Variants in ITGB4 observed in about 807,000 individuals in gnomAD.
ITGB4 encodes integrin subunit beta 4, also known as integrin beta-4.
ITGB4 carries 159 observed loss-of-function variants against 207.6 expected under a neutral mutation model. The ratio of observed to expected loss-of-function variants is 0.77; its 90% CI spans 0.67 to 0.87. The LOEUF (loss-of-function observed/expected upper bound fraction) is 0.87, where lower values mean the gene tolerates loss of function less well. ITGB4 is among the 40% of genes least tolerant of loss of function. ITGB4 has a pLI of 0.00. For missense variants in ITGB4, 2,278 were observed against 2,546.8 expected (o/e 0.89, Z 2.27); for synonymous variants, 1,020 against 1,062.7 (o/e 0.96, Z 0.78).
At chr17:75,734,249 G>T (rs1005855204) in intron 13 of ITGB4, among the ~76,000 whole-genome samples, 1 of 145,846 alleles carries the variant, frequency 6.9e-6, no homozygotes, top group African/African-American at 2.6e-5. Flanking sequence ...CGATTCTCCT[G>T]CCTCAGCCTC....
Position 75,739,644 on chromosome 17 carries a change from C to T in ITGB4, c.2221-28C>T, listed in dbSNP as rs180763710. On this transcript the variant is annotated intron_variant, in intron 18 of 39. Coordinates refer to ENST00000200181, the MANE Select transcript of ITGB4 (RefSeq NM_000213.5). This position sits in a 1 kb window ranked among gnomAD's most constrained non-coding sequence, Gnocchi z 5.4. Reference sequence around the variant, plus strand: ...CCTGGGCCAGGGCAGCTGTCTCAGGCCTCACCCTCACCCACCTTGTCTCCT... The same window carrying T: ...CCTGGGCCAGGGCAGCTGTCTCAGGTCTCACCCTCACCCACCTTGTCTCCT... 9,099 of 1,613,910 alleles carry T rather than the reference C, an allele frequency of 5.6e-3. 48 individuals carry two copies. Among genetic ancestry groups the T allele is most frequent in the Middle Eastern group, 0.015 (92 of 6,052 alleles).
intron 23 of ITGB4, 51 bp downstream of exon 23, chr17:75,741,056 C>A: frequency 6.3e-7 from 1 of 1,596,718 alleles, no homozygotes; most frequent in Non-Finnish European, 8.5e-7. Context: ...GCCCGCCTGT[C>A]CCCAGCCCAG....
chr17:75,724,803 A>G (rs1392933829), intron 2 of ITGB4, 21 bp downstream of exon 2: 2 of 1,603,288 alleles, frequency 1.2e-6, no homozygotes, highest in East Asian at 2.2e-5. Context: ...GTTGCCCTGC[A>G]GCCCCCTCCT....
At chr17:75,743,885 G>A in intron 26 of ITGB4, 24 bp downstream of exon 26, 1 of 1,560,662 alleles carries the variant, frequency 6.4e-7, no homozygotes, top group Non-Finnish European at 8.7e-7. Flanking sequence ...ACAGGGTCGA[G>A]GGTGCAGCCC....
At chr17:75,747,691 C>T (rs1472385842) in intron 26 of ITGB4, among the ~76,000 whole-genome samples, 1 of 152,172 alleles carries the variant, frequency 6.6e-6, no homozygotes, top group African/African-American at 2.4e-5. Flanking sequence ...GACAAGGTCT[C>T]GCTCTGTCAC....
At chr17:75,745,746 A>G (rs1176064319) in intron 26 of ITGB4, among the ~76,000 whole-genome samples, 2 of 152,012 alleles carry the variant, frequency 1.3e-5, no homozygotes. Flanking sequence ...GGGCATGGTG[A>G]CACGTGCCTC....
In ITGB4 at chr17:75,757,246, G is replaced by A. The variant is rs754204121; in HGVS notation, c.5265G>A (p.Pro1755=). ...LGSRAGLFQH[P]LQSEYSSITT... ...GCCGTGCCGGGCTCTTCCAGCACCC[G>A]CTGCAAAGCGAGTACAGCAGCATCA... is the stretch of plus-strand genomic sequence containing the variant. The change falls in exon 39 of 40, where the codon CCG becomes CCA. Residue 1755 remains proline (P), a synonymous_variant. Transcript: ENST00000200181. 1.8e-5 allele frequency: 29 copies of A among 1,611,598 alleles called. No individual in the cohort carries two copies. The highest frequency in any genetic ancestry group is 2.2e-5 in the East Asian group (1 of 44,874).
chr17:75,730,602 CT>C lies in ITGB4; in HGVS notation c.1002+100del, dbSNP rs2060833798. ...CCTCCCTCCCTCCCTCCCTCCCTCC[CT>C]TCCTCCCTTCCTCCCTCCCTCTTTT... On this transcript the variant is annotated intron_variant, in intron 8 of 39. Coordinates refer to ENST00000200181, the MANE Select transcript of ITGB4 (RefSeq NM_000213.5). 72 of 939,080 alleles carry C rather than the reference CT, an allele frequency of 7.7e-5. 1 individual carries two copies. In the South Asian group the frequency reaches 9.4e-4, roughly 12 times the overall value. The allele number at this position is 939,080 out of a possible 1,614,324, so 58.2% of individuals were successfully genotyped here.
Position 75,741,049 on chromosome 17 carries a change from C to T in ITGB4, c.2633+44C>T, listed in dbSNP as rs779867238. 1.5e-5 allele frequency: 24 copies of T among 1,601,394 alleles called. No homozygotes were observed. In the African/African-American group the frequency reaches 2.0e-4, roughly 13 times the overall value. ...GGTGAGAGGGCCCCCACTTCCTGCC[C>T]GCCTGTCCCCAGCCCAGCCACTGCC... On this transcript the variant is annotated intron_variant, in intron 23 of 39. Transcript: ENST00000200181.
Position 75,730,305 on chromosome 17 carries a change from A to G in ITGB4, c.803A>G (p.His268Arg), listed in dbSNP as rs1245264433. The change falls in exon 8 of 40, where the codon CAC becomes CGC. Residue 268 changes from histidine (H) to arginine (R), a missense_variant. By Grantham distance (29) the His-to-Arg change is conservative. Transcript: ENST00000200181. ...LLVFSTESAF[H>R]YEADGANVLA... ...GTCTTCTCCACCGAGTCAGCCTTCC[A>G]CTATGAGGCTGATGGCGCCAACGTG... is the stretch of plus-strand genomic sequence containing the variant. The G allele has an allele frequency of 1.2e-6, 2 of 1,613,516 alleles. No individual in the cohort carries two copies. Among genetic ancestry groups the G allele is most frequent in the Admixed American group, 3.3e-5 (2 of 60,006 alleles).
chr17:75,747,802 A>C (rs1008505260), intron 26 of ITGB4, among the ~76,000 whole-genome samples: 7 of 152,154 alleles, frequency 4.6e-5, no homozygotes, highest in Admixed American at 3.3e-4. Context: ...GGCACCGGCC[A>C]CCATGCCGGG....
chr17:75,730,525 GGGT>G (rs1568348139), intron 8 of ITGB4, 21 bp downstream of exon 8: 23 of 1,612,986 alleles, frequency 1.4e-5, no homozygotes, highest in Non-Finnish European at 1.9e-5. Flanking sequence ...CAGGTCCCAC[GGGT>G]GGGAGGTGGT....
At position 75,729,470 on chromosome 17, in the gene ITGB4, C is replaced by G. The variant is rs760299085; in HGVS notation, c.738+34C>G. On this transcript the variant is annotated intron_variant, in intron 7 of 39. Transcript: ENST00000200181. The surrounding 1 kb of genome is among the most constrained non-coding windows in gnomAD (Gnocchi z 4.4). The stretch of plus-strand genomic sequence containing the variant: ...TGGGAAGGGTGCTGCCAGCCTAGGC[C>G]AGGGGTGAGCACTTCTGGGCAAGGG... The G allele has an allele frequency of 5.0e-6, 8 of 1,606,342 alleles. No individual in the cohort carries two copies. The highest frequency in any genetic ancestry group is 1.7e-4 in the Middle Eastern group (1 of 5,932).
rs1254013283 is a variant in ITGB4 at position 75,757,435 on chromosome 17, C to A, written c.5349C>A (p.Ala1783=). The change falls in exon 40 of 40, where the codon GCC becomes GCA. Residue 1783 remains alanine, a synonymous_variant. Transcript: ENST00000200181. Reference sequence around the variant, plus strand: ...CCACAGATGGGCTGACCCTGGGGGCCCAGCACCTGGAGGCAGGCGGCTCCC... The same window carrying A: ...CCACAGATGGGCTGACCCTGGGGGCACAGCACCTGGAGGCAGGCGGCTCCC... ...PFLVDGLTLG[A]QHLEAGGSLT... is the part of the protein sequence containing the mutation. 6.2e-7 allele frequency: 1 copy of A among 1,613,254 alleles called. No individual in the cohort carries two copies. Among genetic ancestry groups the A allele is most frequent in the African/African-American group, 1.3e-5 (1 of 75,044 alleles).
rs2061249381 is a variant in ITGB4, at chr17:75,747,092, TTCTC to T, written c.3112-1743_3112-1740del. Among the ~76,000 whole-genome samples, 12 of 152,284 alleles carry T rather than the reference TTCTC, an allele frequency of 7.9e-5. 1 individual carries two copies. The South Asian group carries it at 2.5e-3, about 32-fold the overall frequency. On this transcript the variant is annotated intron_variant, in intron 26 of 39. Transcript: ENST00000200181. The stretch of plus-strand genomic sequence containing the variant: ...GATTCACCGATTGCTAATATTTGCT[TTCTC>T]TCTCTTTCTATATAGATAGCAACAT...
chr17:75,730,400 A>C lies in ITGB4; in HGVS notation c.898A>C (p.Arg300=), dbSNP rs774198244. The C allele has an allele frequency of 1.2e-6, 2 of 1,614,032 alleles. No homozygotes were observed. Among genetic ancestry groups the C allele is most frequent in the Non-Finnish European group, 1.7e-6 (2 of 1,180,020 alleles). The change falls in exon 8 of 40, where the codon AGG becomes CGG. Residue 300 remains arginine, a synonymous_variant. Coordinates refer to ENST00000200181, the MANE Select transcript of ITGB4 (RefSeq NM_000213.5). ...CACCACGGGCACCTACACCCAGTAC[A>C]GGACACAGGACTACCCGTCGGTGCC... The part of the protein sequence containing the change: ...LDTTGTYTQY[R]TQDYPSVPTL...
chr17:75,756,710 C>T lies in ITGB4; in HGVS notation c.4904C>T (p.Ala1635Val), dbSNP rs765739183. The change falls in exon 37 of 40, where the codon GCC becomes GTC. Residue 1635 changes from alanine (A) to valine (V), a missense_variant. By Grantham distance (64) the Ala-to-Val change is moderately conservative (BLOSUM62 0). Coordinates refer to ENST00000200181, the MANE Select transcript of ITGB4 (RefSeq NM_000213.5). ...CTTCCTCTACTGCCCCCAGGCTCCG[C>T]CTTCACTTTGAGCACTCCCAGTGCC... The part of the protein sequence containing the change: ...QSPLCPLPGS[A>V]FTLSTPSAPG... 1.2e-6 allele frequency: 2 copies of T among 1,613,472 alleles called. No individual in the cohort carries two copies. Among genetic ancestry groups the T allele is most frequent in the South Asian group, 1.1e-5 (1 of 91,082 alleles).
Position 75,757,498 on chromosome 17 carries a change from A to G in ITGB4, c.5412A>G (p.Thr1804=), listed in dbSNP as rs1478094349. The change falls in exon 40 of 40, where the codon ACA becomes ACG. Residue 1804 remains threonine, a synonymous_variant. Coordinates refer to ENST00000200181, the MANE Select transcript of ITGB4 (RefSeq NM_000213.5). ...TGACCCAGGAGTTTGTGAGCCGGACACTGACCACCAGCGGAACCCTTAGCA... is the reference window on the plus strand; with the variant it reads ...TGACCCAGGAGTTTGTGAGCCGGACGCTGACCACCAGCGGAACCCTTAGCA... The part of the protein sequence containing the change: ...RHVTQEFVSR[T]LTTSGTLSTH... 31 of 1,612,998 alleles carry G rather than the reference A, an allele frequency of 1.9e-5. No individual in the cohort carries two copies. The highest frequency in any genetic ancestry group is 2.5e-5 in the Non-Finnish European group (29 of 1,179,986).
Position 75,753,786 on chromosome 17 carries a change from C to T in ITGB4, c.4130C>T (p.Pro1377Leu). 2 of 1,454,358 alleles carry T rather than the reference C, an allele frequency of 1.4e-6. No homozygotes were observed. Among genetic ancestry groups the T allele is most frequent in the Non-Finnish European group, 9.1e-7 (1 of 1,103,280 alleles). 90.1% of individuals were successfully genotyped at this position (1,454,358 alleles called of 1,614,324 possible). A position where few individuals can be genotyped will look rare whatever the true frequency, so the allele number is the denominator to read the frequency against. The change falls in exon 33 of 40, where the codon CCC becomes CTC. Residue 1377 changes from proline (P) to leucine (L), a missense_variant. By Grantham distance (98) the Pro-to-Leu change is moderately conservative. Transcript: ENST00000200181. ...DDTGCGWKFE[P>L]LLGEELDLRR... ...CAAGGCTGCGGCTGGAAGTTCGAGC[C>T]CCTGCTGGGGGAGGAGCTGGACCTG... is the stretch of plus-strand genomic sequence containing the variant.
Sources: gnomAD v4.1 joint callset for allele counts (sites outside exome capture counted in the v4.1 genomes callset) on GRCh38, gnomAD v4.1.1 for gene constraint, Gnocchi (gnomAD v3.1) non-coding constraint, MANE v1.5 for transcripts, NCBI Gene and HGNC (gene_info 2026-07-23, HGNC 2026-07-21) for gene names.